Variants in AP3D1 observed in about 807,000 individuals in gnomAD.
The protein encoded by AP3D1 is AP-3 complex subunit delta-1.
A neutral mutation model predicts 147.6 loss-of-function variants in AP3D1; 51 were observed. The observed-to-expected ratio is 0.35, with a 90% CI of 0.28 to 0.44. AP3D1 has a LOEUF of 0.44. AP3D1 is among the 20% of genes least tolerant of loss of function. AP3D1 has a pLI of 1.00. For missense variants in AP3D1, 1,421 were observed against 1,624.2 expected, an observed-to-expected ratio of 0.87 and a Z score of 2.15; for synonymous variants, 760 against 663.0, an observed-to-expected ratio of 1.15 and a Z score of -2.25.
chr19:2,131,332 G>T (rs1212713293), intron 5 of AP3D1, among the ~76,000 whole-genome samples: 1 of 151,012 alleles, frequency 6.6e-6, no homozygotes. Context: ...CAGGTGGACA[G>T]GCAGCCACGT....
chr19:2,156,360 T>A (rs1372852597), upstream of AP3D1, among the ~76,000 whole-genome samples: 2 of 151,920 alleles, frequency 1.3e-5, no homozygotes, highest in Admixed American at 6.6e-5. Flanking sequence ...ACATATCAAA[T>A]CATCCATTCA....
intron 9 of AP3D1, among the ~76,000 whole-genome samples, chr19:2,126,505 T>A (rs1422263489): frequency 2.6e-5 from 4 of 151,726 alleles, no homozygotes; most frequent in African/African-American, 9.7e-5. Context: ...AATACAAAAA[T>A]TAGCCAGGCG....
chr19:2,106,498 C>A (rs905643632), intron 31 of AP3D1, among the ~76,000 whole-genome samples: 1 of 152,026 alleles, frequency 6.6e-6, no homozygotes, highest in African/African-American at 2.4e-5. Flanking sequence ...GTGGTGAGCC[C>A]TTGGCTCCAC....
At chr19:2,108,490 C>G (rs1444038672) in intron 31 of AP3D1, among the ~76,000 whole-genome samples, 197 bp downstream of exon 31, 1 of 152,194 alleles carries the variant, frequency 6.6e-6, no homozygotes, top group South Asian at 2.1e-4. Flanking sequence ...CAGCAGGAGG[C>G]AGAAGCCCTG....
chr19:2,139,348 G>A (rs968411263), intron 1 of AP3D1, among the ~76,000 whole-genome samples: 1 of 152,142 alleles, frequency 6.6e-6, no homozygotes, highest in Non-Finnish European at 1.5e-5. Flanking sequence ...CTTCAGCCAG[G>A]GTGACTCTCA....
chr19:2,153,902 G>A (rs1568314159), upstream of AP3D1, among the ~76,000 whole-genome samples: 1 of 84,956 alleles, frequency 1.2e-5, no homozygotes, highest in Non-Finnish European at 3.8e-5. Flanking sequence ...ATGCAGTGGC[G>A]CGATCTCCGC....
chr19:2,164,552 G>A, upstream of AP3D1: 1 of 263,934 alleles, frequency 3.8e-6, no homozygotes, highest in East Asian at 6.2e-5. Flanking sequence ...CGGAACGGAA[G>A]GGGTAACTCG....
chr19:2,109,914 G>A lies in AP3D1; in HGVS notation c.3309C>T (p.His1103=), dbSNP rs1293215439. 1.9e-6 allele frequency: 3 copies of A among 1,613,850 alleles called. No homozygotes were observed. The highest frequency in any genetic ancestry group is 8.5e-7 in the Non-Finnish European group (1 of 1,180,014). ...ATHEKLDFRL[H]FSCSSYLITT... ...TGATCAAGTAGGAGCTGCAGCTGAA[G>A]TGCAGCCTGAAGTCCAGCTTCTCGT... The change falls in exon 29 of 32, where the codon CAC becomes CAT. Residue 1103 remains histidine, a synonymous_variant. Coordinates refer to ENST00000643116, the MANE Select transcript of AP3D1 (RefSeq NM_001261826.3).
At chr19:2,164,008 C>A (rs892087333) in intron 1 of AP3D1, 2 of 235,304 alleles carry the variant, frequency 8.5e-6, no homozygotes, top group South Asian at 1.5e-4. Context: ...AAGAGGGAGT[C>A]GGGGGCCGGG....
rs761590318 is a variant in AP3D1 at position 2,130,417 on chromosome 19, G to A, written c.583C>T (p.Pro195Ser). The A allele has an allele frequency of 1.2e-5, 19 of 1,613,834 alleles. No individual in the cohort carries two copies. In the East Asian group the frequency reaches 2.7e-4, roughly 23 times the overall value. Reference protein sequence around the residue: ...FPRLKEKLEDPDPGVQSAAVN... With the variant: ...FPRLKEKLEDSDPGVQSAAVN... ...ACTCAAATCCACAAACCGGGGTCGG[G>A]GTCCTCCAGCTTCTCCTTCAGCCGG... Residue 195 changes from proline to serine, a missense_variant, in exon 6 of 32, where the codon CCC becomes TCC. Physicochemically the swap from Pro to Ser is moderately conservative, Grantham distance 74. This residue lies in a region of AP3D1 where 292 missense variants were observed against 412.0 expected (regional missense o/e 0.71). Transcript: ENST00000643116.
intron 1 of AP3D1, among the ~76,000 whole-genome samples, chr19:2,145,906 G>A (rs1449985143): frequency 1.3e-5 from 2 of 152,254 alleles, no homozygotes; most frequent in Non-Finnish European, 2.9e-5. Context: ...TGAGTGAACC[G>A]CACTCATAAG....
intron 18 of AP3D1, 121 bp downstream of exon 18, chr19:2,116,086 G>A: frequency 1.0e-6 from 1 of 961,584 alleles, no homozygotes; most frequent in Non-Finnish European, 1.6e-6. Flanking sequence ...CAGTCACCGT[G>A]TGGCCCCAGC....
intron 1 of AP3D1, among the ~76,000 whole-genome samples, chr19:2,146,151 G>A (rs1052408098): frequency 1.3e-5 from 2 of 152,172 alleles, no homozygotes; most frequent in African/African-American, 2.4e-5. Context: ...AGCCACCCAC[G>A]TCAAGGACCG....
chr19:2,147,784 C>T (rs886430485), intron 1 of AP3D1, among the ~76,000 whole-genome samples: 1 of 149,786 alleles, frequency 6.7e-6, no homozygotes, highest in African/African-American at 2.5e-5. Context: ...GTCCCAGCTG[C>T]TTGGGAGGTT....
At chr19:2,134,714 G>A (rs1056901960) in intron 4 of AP3D1, among the ~76,000 whole-genome samples, 5 of 151,320 alleles carry the variant, frequency 3.3e-5, no homozygotes, top group African/African-American at 1.2e-4. Flanking sequence ...CAATTCTCCT[G>A]CCTCAGCCTC....
At position 2,135,778 on chromosome 19, in the gene AP3D1, C is replaced by T. The variant is rs186231822; in HGVS notation, c.354+1233G>A. On this transcript the variant is annotated intron_variant, in intron 4 of 31. Transcript: ENST00000643116. Reference sequence around the variant, plus strand: ...GTGAGGTGCTCACACAGGGACCGGCCGTGCCGAGCCCATCAGCAAGAGACA... The same window carrying T: ...GTGAGGTGCTCACACAGGGACCGGCTGTGCCGAGCCCATCAGCAAGAGACA... Among the ~76,000 whole-genome samples, 323 of 152,252 alleles carry T rather than the reference C, an allele frequency of 2.1e-3. 1 individual carries two copies. Among genetic ancestry groups the T allele is most frequent in the African/African-American group, 7.4e-3 (306 of 41,548 alleles).
intron 1 of AP3D1, among the ~76,000 whole-genome samples, chr19:2,156,846 T>C (rs559453421): frequency 6.6e-5 from 10 of 150,814 alleles, no homozygotes; most frequent in African/African-American, 1.7e-4. Flanking sequence ...AGACTCTGTC[T>C]CAAAAAACTA....
intron 1 of AP3D1, among the ~76,000 whole-genome samples, chr19:2,144,060 T>C (rs542038304): frequency 5.9e-4 from 85 of 143,642 alleles, no homozygotes; most frequent in African/African-American, 2.1e-3. Flanking sequence ...CACTTCAGCC[T>C]GGGCAACAAG....
chr19:2,112,581 A>C, intron 24 of AP3D1: 1 of 348,322 alleles, frequency 2.9e-6, no homozygotes, highest in Non-Finnish European at 5.2e-6. Context: ...AACTAGACAG[A>C]GGTGATGATG....
Sources: allele counts gnomAD v4.1 joint callset (sites outside exome capture counted in the v4.1 genomes callset), GRCh38; gene constraint gnomAD v4.1.1; regional missense constraint gnomAD v4.1.1; transcripts MANE v1.5; gene names NCBI Gene and HGNC (gene_info 2026-07-23, HGNC 2026-07-21).